The following IL1RAP variants were observed in gnomAD, a reference collection of about 807,000 sequenced individuals.
The protein encoded by IL1RAP is interleukin 1 receptor accessory protein, also known as interleukin-1 receptor accessory protein.
A neutral mutation model predicts 60.7 loss-of-function variants in IL1RAP; 35 were observed. That is an observed-to-expected ratio of 0.58 (90% confidence interval 0.44 to 0.76). The LOEUF (loss-of-function observed/expected upper bound fraction) is 0.76, where lower values mean the gene tolerates loss of function less well. Ranked by LOEUF, IL1RAP falls within the 30% of genes least tolerant of loss-of-function variation. The pLI, the probability that IL1RAP is intolerant of heterozygous loss-of-function variation, is 0.00. For synonymous variants in IL1RAP, 268 were observed against 250.9 expected (o/e 1.07, Z -0.64); for missense variants, 572 against 693.9 (o/e 0.82, Z 1.97).
At chr3:190,541,585 G>C (rs1723941878) in intron 1 of IL1RAP, among the ~76,000 whole-genome samples, 1 of 152,098 alleles carries the variant, frequency 6.6e-6, no homozygotes, top group Non-Finnish European at 1.5e-5. Context: ...GTTGGAATCT[G>C]ATTTGACAAT....
At chr3:190,611,304 A>G (rs1730802124) in intron 5 of IL1RAP, among the ~76,000 whole-genome samples, 1 of 152,194 alleles carries the variant, frequency 6.6e-6, no homozygotes, top group Admixed American at 6.5e-5. Flanking sequence ...CCTGAGTCGG[A>G]TTAAGCCTTT....
intron 3 of IL1RAP, among the ~76,000 whole-genome samples, chr3:190,573,709 A>C (rs1727203580): frequency 6.6e-6 from 1 of 152,212 alleles, no homozygotes; most frequent in African/African-American, 2.4e-5. Context: ...ATAGCCATGA[A>C]GCATTTTACA....
At position 190,538,783 on chromosome 3, in the gene IL1RAP, C is replaced by T. The variant is rs183441108; in HGVS notation, c.-88-17347C>T. On this transcript the variant is annotated intron_variant, in intron 1 of 11. Transcript: ENST00000447382. The stretch of plus-strand genomic sequence containing the variant: ...GTGGCAGGTAATTGAATCATGGGGA[C>T]GGTTACCCCCATGATGCCTTTCTTG... Among the ~76,000 whole-genome samples, 237 of 152,078 alleles carry T rather than the reference C, an allele frequency of 1.6e-3. 2 individuals are homozygous for T. Among genetic ancestry groups the T allele is most frequent in the African/African-American group, 5.2e-3 (217 of 41,518 alleles).
At chr3:190,529,624 G>T (rs1422251335) in intron 1 of IL1RAP, among the ~76,000 whole-genome samples, 3 of 150,034 alleles carry the variant, frequency 2.0e-5, no homozygotes, top group Non-Finnish European at 4.4e-5. Flanking sequence ...GGCGGAGGTT[G>T]CAGTGAGCCG....
At chr3:190,553,923 T>C (rs1425803412) in intron 1 of IL1RAP, among the ~76,000 whole-genome samples, 6 of 150,074 alleles carry the variant, frequency 4.0e-5, no homozygotes, top group Non-Finnish European at 8.9e-5. Flanking sequence ...TAGCCGGGCG[T>C]AGTGGCGGGC....
intron 5 of IL1RAP, among the ~76,000 whole-genome samples, chr3:190,616,878 G>T (rs997896806): frequency 6.6e-6 from 1 of 152,118 alleles, no homozygotes; most frequent in Non-Finnish European, 1.5e-5. Context: ...CGACCACGCA[G>T]ATATGGAACT....
chr3:190,548,076 A>G lies in IL1RAP; in HGVS notation c.-88-8054A>G, dbSNP rs1724541255. The stretch of plus-strand genomic sequence containing the variant: ...CTAGGAAGTGCTCTGTGAAGGGACA[A>G]CTGACTGTTTTGTGAGGCCAAGGAT... On this transcript the variant is annotated intron_variant, in intron 1 of 11. Transcript: ENST00000447382. Among the ~76,000 whole-genome samples the G allele has an allele frequency of 2.0e-5, 3 of 152,272 alleles. No individual in the cohort carries two copies. The South Asian group carries it at 6.2e-4, about 32-fold the overall frequency.
At chr3:190,567,091 C>T (rs560110716) in intron 3 of IL1RAP, among the ~76,000 whole-genome samples, 1 of 152,210 alleles carries the variant, frequency 6.6e-6, no homozygotes, top group South Asian at 2.1e-4. Flanking sequence ...AAAAAGAAAC[C>T]ATAAAAGCAT....
intron 4 of IL1RAP, among the ~76,000 whole-genome samples, chr3:190,605,532 CGG>C (rs1560207266): frequency 6.6e-6 from 1 of 152,054 alleles, no homozygotes; most frequent in African/African-American, 2.4e-5. Flanking sequence ...GCTATTTAAC[CGG>C]TGTGTGGCTT....
intron 1 of IL1RAP, among the ~76,000 whole-genome samples, chr3:190,552,999 G>A (rs147916561): frequency 1.5e-4 from 23 of 152,292 alleles, no homozygotes; most frequent in African/African-American, 5.5e-4. Context: ...AAGGCTCAGA[G>A]CAAGGAAAAT....
intron 7 of IL1RAP, 149 bp from the exon 8 acceptor site, chr3:190,627,174 C>G: frequency 3.1e-6 from 2 of 640,390 alleles, no homozygotes; most frequent in South Asian, 4.3e-5. Flanking sequence ...ACACATAACT[C>G]GTAGCTTCTG....
chr3:190,647,993 A>G (rs933106661), intron 11 of IL1RAP, among the ~76,000 whole-genome samples: 3 of 152,240 alleles, frequency 2.0e-5, no homozygotes, highest in African/African-American at 7.2e-5. Context: ...AAGATGCCAC[A>G]CACTTTAAAG....
In IL1RAP at chr3:190,574,541, T is replaced by TTTTTTCCTTTTCCA. The variant is rs532857444; in HGVS notation, c.64+10188_64+10189insTTTTTCCTTTTCCA. Among the ~76,000 whole-genome samples the TTTTTTCCTTTTCCA allele has an allele frequency of 2.6e-4, 39 of 152,358 alleles. No homozygotes were observed. The South Asian group carries it at 7.9e-3, about 31-fold the overall frequency. ...TAGCTTTTGCTCCTTTTCCAATGAC[T>TTTTTTCCTTTTCCA]GACTGCAGGCTCTGTCCCTCCACTT... On this transcript the variant is annotated intron_variant, in intron 3 of 11. Transcript: ENST00000447382.
At chr3:190,609,312 G>GGC in intron 5 of IL1RAP, 131 bp downstream of exon 5, 24 of 594,752 alleles carry the variant, frequency 4.0e-5, no homozygotes, top group Admixed American at 1.5e-4. Context: ...ATAGCTTTAT[G>GGC]GAAGTATTTC....
intron 1 of IL1RAP, among the ~76,000 whole-genome samples, chr3:190,549,399 C>G (rs961416989): frequency 6.6e-6 from 1 of 151,858 alleles, no homozygotes; most frequent in Non-Finnish European, 1.5e-5. Context: ...TTCCTGCTGA[C>G]AGGGGGTGCT....
chr3:190,593,308 C>T (rs1488183520), intron 3 of IL1RAP, among the ~76,000 whole-genome samples: 1 of 152,146 alleles, frequency 6.6e-6, no homozygotes, highest in South Asian at 2.1e-4. Context: ...GATGGATGCT[C>T]ACAGACACTC....
intron 3 of IL1RAP, among the ~76,000 whole-genome samples, chr3:190,586,247 C>G (rs576146575): frequency 3.1e-4 from 47 of 152,160 alleles, no homozygotes; most frequent in Non-Finnish European, 5.9e-4. Flanking sequence ...GACTCTCCAC[C>G]CAGTCTTGAC....
chr3:190,655,745 T>C, downstream of IL1RAP: 9 of 600,590 alleles, frequency 1.5e-5, no homozygotes, highest in South Asian at 1.0e-4. Context: ...TGTAGATTTT[T>C]TTGACTGGGT....
Position 190,649,157 on chromosome 3 carries a change from C to T in IL1RAP, c.*452C>T. On this transcript the variant is annotated 3_prime_UTR_variant, in exon 12 of 12. Coordinates refer to ENST00000447382, the MANE Select transcript of IL1RAP (RefSeq NM_002182.4). ...TCGTCCGTTGAAAAGATAATCAAGG[C>T]CTACATTTTAGCTGAGGATAATGAA... is the stretch of plus-strand genomic sequence containing the variant. 1 of 987,444 alleles carries T rather than the reference C, an allele frequency of 1.0e-6. No homozygotes were observed. The highest frequency in any genetic ancestry group is 1.2e-6 in the Non-Finnish European group (1 of 831,446). 61.2% of individuals were successfully genotyped at this position (987,444 alleles called of 1,614,324 possible).
Sources: allele counts gnomAD v4.1 joint callset (sites outside exome capture counted in the v4.1 genomes callset), GRCh38; gene constraint gnomAD v4.1.1; transcripts MANE v1.5; gene names NCBI Gene and HGNC (gene_info 2026-07-23, HGNC 2026-07-21).